The following LCLAT1 variants were observed in gnomAD, a reference collection of about 807,000 sequenced individuals.
LCLAT1 encodes 1-AGP acyltransferase 8.
LCLAT1 carries 11 observed loss-of-function variants against 30.7 expected under a neutral mutation model. That is an observed-to-expected ratio of 0.36 (90% CI 0.23 to 0.59). The LOEUF is 0.59. Among genes scored for constraint, LCLAT1 ranks in the 20% least tolerant of loss-of-function variants. The pLI is 0.77. For synonymous variants in LCLAT1, 155 were observed against 151.3 expected (o/e 1.02, Z -0.18); for missense variants, 402 against 458.6 (o/e 0.88, Z 1.13).
chr2:30,466,672 G>C (rs1433577693), intron 1 of LCLAT1, among the ~76,000 whole-genome samples: 1 of 151,938 alleles, frequency 6.6e-6, no homozygotes, highest in Non-Finnish European at 1.5e-5. Context: ...CAGCTGGCAG[G>C]CTTATTAAAA....
At chr2:30,614,537 A>G (rs1275882278) in intron 5 of LCLAT1, among the ~76,000 whole-genome samples, 1 of 152,144 alleles carries the variant, frequency 6.6e-6, no homozygotes, top group Non-Finnish European at 1.5e-5. Context: ...ACTGAAGGAA[A>G]GGCAGTTTTG....
chr2:30,557,555 C>T (rs1336593145), intron 3 of LCLAT1, among the ~76,000 whole-genome samples: 1 of 152,030 alleles, frequency 6.6e-6, no homozygotes, highest in Non-Finnish European at 1.5e-5. Context: ...GCTGGGATTA[C>T]AGGCATGCAC....
intron 5 of LCLAT1, among the ~76,000 whole-genome samples, chr2:30,629,822 TATC>T: frequency 6.6e-6 from 1 of 152,236 alleles, no homozygotes; most frequent in East Asian, 1.9e-4. Context: ...GTGATATCTA[TATC>T]ATCAAATATT....
intron 5 of LCLAT1, among the ~76,000 whole-genome samples, chr2:30,583,556 T>C (rs758137141): frequency 6.6e-6 from 1 of 152,214 alleles, no homozygotes; most frequent in Non-Finnish European, 1.5e-5. Flanking sequence ...TGAAACATCA[T>C]ACTCTCACCT....
At chr2:30,632,559 G>T (rs1330426540) in intron 5 of LCLAT1, among the ~76,000 whole-genome samples, 1 of 152,190 alleles carries the variant, frequency 6.6e-6, no homozygotes, top group Non-Finnish European at 1.5e-5. Context: ...CAAGGAGAAA[G>T]AAGGAAGGTA....
At chr2:30,593,814 T>C (rs1258262998) in intron 5 of LCLAT1, among the ~76,000 whole-genome samples, 1 of 151,928 alleles carries the variant, frequency 6.6e-6, no homozygotes, top group Admixed American at 6.6e-5. Context: ...TCCCTACTAC[T>C]TGGGAGGCTG....
intron 5 of LCLAT1, among the ~76,000 whole-genome samples, chr2:30,568,636 T>G (rs1665624549): frequency 6.7e-6 from 1 of 150,226 alleles, no homozygotes; most frequent in Non-Finnish European, 1.5e-5. Context: ...GCCTCCCAAG[T>G]AGCTGGGACT....
rs1254639909 is a variant in LCLAT1 at position 30,555,788 on chromosome 2, T to A, written c.365-6358T>A. ...TAAAAGAAGAAAATGGGGTATACAA[T>A]TTCCAAACTACTACAATAGGGGTCA... On this transcript the variant is annotated intron_variant, in intron 3 of 5. Transcript: ENST00000379509. Among the ~76,000 whole-genome samples, 5 of 152,058 alleles carry A rather than the reference T, an allele frequency of 3.3e-5. No homozygotes were observed. The East Asian group carries it at 9.7e-4, about 29-fold the overall frequency.
At chr2:30,551,595 G>A (rs368546294) in intron 3 of LCLAT1, among the ~76,000 whole-genome samples, 1 of 152,166 alleles carries the variant, frequency 6.6e-6, no homozygotes, top group African/African-American at 2.4e-5. Flanking sequence ...TTATATAACA[G>A]TTTTAGAGGT....
chr2:30,511,208 G>C (rs986911265), intron 1 of LCLAT1, among the ~76,000 whole-genome samples: 5 of 152,048 alleles, frequency 3.3e-5, no homozygotes, highest in Non-Finnish European at 7.4e-5. Flanking sequence ...TGTTTATTAG[G>C]GAATCCCTCA....
In LCLAT1 at chr2:30,560,451, C is replaced by T. The variant is rs190308583; in HGVS notation, c.365-1695C>T. 3.1e-4 allele frequency among the ~76,000 whole-genome samples: 47 copies of T among 152,106 alleles called. 1 individual carries two copies. Among genetic ancestry groups the T allele is most frequent in the Admixed American group, 2.0e-3 (31 of 15,278 alleles). On this transcript the variant is annotated intron_variant, in intron 3 of 5. Coordinates refer to ENST00000379509, the MANE Select transcript of LCLAT1 (RefSeq NM_001002257.3). The stretch of plus-strand genomic sequence containing the variant: ...CCTCCCAGGTTCAAGCAGTTCTCCC[C>T]GCTCAGCCTCCCAAGTAGCTGGGAT...
intron 1 of LCLAT1, among the ~76,000 whole-genome samples, chr2:30,518,076 CATT>C (rs1377054605): frequency 7.9e-5 from 12 of 152,180 alleles, no homozygotes; most frequent in Admixed American, 3.9e-4. Context: ...GAGGAAACCT[CATT>C]ATGAGCATAC....
At position 30,560,371 on chromosome 2, in the gene LCLAT1, A is replaced by G. The variant is rs116119814; in HGVS notation, c.365-1775A>G. On this transcript the variant is annotated intron_variant, in intron 3 of 5. Transcript: ENST00000379509. Reference sequence around the variant, plus strand: ...CGGAGTCTTGCTCCATTGCCCAACTATGTTGTTGTGTGGCTGAAGTGCAGT... The same window carrying G: ...CGGAGTCTTGCTCCATTGCCCAACTGTGTTGTTGTGTGGCTGAAGTGCAGT... Among the ~76,000 whole-genome samples, 1,089 of 149,688 alleles carry G rather than the reference A, an allele frequency of 7.3e-3. 17 individuals are homozygous for G. The highest frequency in any genetic ancestry group is 0.025 in the African/African-American group (999 of 40,676).
intron 5 of LCLAT1, among the ~76,000 whole-genome samples, chr2:30,617,021 T>C (rs1342730021): frequency 3.3e-5 from 5 of 152,144 alleles, no homozygotes; most frequent in African/African-American, 9.7e-5. Context: ...TTGAGACGCC[T>C]TAAAAAAACA....
At chr2:30,596,110 ATCTT>A (rs1383150540) in intron 5 of LCLAT1, among the ~76,000 whole-genome samples, 6 of 152,272 alleles carry the variant, frequency 3.9e-5, no homozygotes, top group South Asian at 2.1e-4. Context: ...GCGTGCATGT[ATCTT>A]TCTTTATAAT....
intron 1 of LCLAT1, among the ~76,000 whole-genome samples, chr2:30,505,741 T>G (rs1032576894): frequency 1.3e-5 from 2 of 152,168 alleles, no homozygotes; most frequent in Non-Finnish European, 2.9e-5. Context: ...AACGTTATAA[T>G]GTAGCTTATC....
chr2:30,471,061 C>A (rs575296293), intron 1 of LCLAT1, among the ~76,000 whole-genome samples: 2 of 148,826 alleles, frequency 1.3e-5, no homozygotes, highest in African/African-American at 4.9e-5. Flanking sequence ...TACAGGCGCC[C>A]ACCACCACGC....
chr2:30,578,525 G>C (rs1479770909), intron 5 of LCLAT1, among the ~76,000 whole-genome samples: 1 of 152,122 alleles, frequency 6.6e-6, no homozygotes, highest in African/African-American at 2.4e-5. Context: ...TTAAGTTCTT[G>C]GTGACTTACA....
At chr2:30,452,690 CTG>C (rs1681618540) in intron 1 of LCLAT1, among the ~76,000 whole-genome samples, 1 of 152,062 alleles carries the variant, frequency 6.6e-6, no homozygotes, top group Non-Finnish European at 1.5e-5. Context: ...AGAGAAATGG[CTG>C]TGTGGTCTTC....
Sources: gnomAD v4.1 joint callset for allele counts (sites outside exome capture counted in the v4.1 genomes callset) on GRCh38, gnomAD v4.1.1 for gene constraint, MANE v1.5 for transcripts, NCBI Gene and HGNC (gene_info 2026-07-23, HGNC 2026-07-21) for gene names.